Variants in SLC44A1 observed in about 807,000 individuals in gnomAD.
The protein encoded by SLC44A1 is choline transporter-like protein 1.
A neutral mutation model predicts 79.3 loss-of-function variants in SLC44A1; 26 were observed. The observed-to-expected ratio is 0.33, with a 90% CI of 0.24 to 0.46. The LOEUF (loss-of-function observed/expected upper bound fraction) is 0.46. SLC44A1 is among the 20% of genes least tolerant of loss of function. The pLI, the probability that SLC44A1 is intolerant of heterozygous loss-of-function variation, is 1.00. For missense variants in SLC44A1, 688 were observed against 798.1 expected, an observed-to-expected ratio of 0.86 and a Z score of 1.66; for synonymous variants, 263 against 286.2, an observed-to-expected ratio of 0.92 and a Z score of 0.82.
downstream of SLC44A1, among the ~76,000 whole-genome samples, chr9:105,397,846 A>G (rs918417391): frequency 3.9e-5 from 6 of 151,910 alleles, no homozygotes; most frequent in Admixed American, 1.3e-4. Flanking sequence ...TACTCGGGAG[A>G]CTGAGGCAGG....
chr9:105,321,542 A>G (rs1280529678), intron 3 of SLC44A1, among the ~76,000 whole-genome samples: 1 of 152,208 alleles, frequency 6.6e-6, no homozygotes, highest in Non-Finnish European at 1.5e-5. Flanking sequence ...TAAAAGAGAT[A>G]ACTAGAATAT....
chr9:105,300,102 G>A (rs1177242459), intron 2 of SLC44A1, among the ~76,000 whole-genome samples: 1 of 152,140 alleles, frequency 6.6e-6, no homozygotes, highest in East Asian at 1.9e-4. Context: ...AAAGGACATG[G>A]AAATCCTCAT....
intron 1 of SLC44A1, among the ~76,000 whole-genome samples, chr9:105,257,428 C>G (rs1307275662): frequency 6.6e-6 from 1 of 152,048 alleles, no homozygotes; most frequent in Non-Finnish European, 1.5e-5. Context: ...GTCTTGTCTC[C>G]CTATGTTGCC....
chr9:105,314,465 A>T (rs1382991545), intron 3 of SLC44A1, among the ~76,000 whole-genome samples: 1 of 152,206 alleles, frequency 6.6e-6, no homozygotes. Context: ...CTTAGTGTCT[A>T]CTTTCTTTGT....
chr9:105,263,867 T>C (rs989745601), intron 1 of SLC44A1, among the ~76,000 whole-genome samples: 1 of 152,062 alleles, frequency 6.6e-6, no homozygotes, highest in African/African-American at 2.4e-5. Flanking sequence ...AGTTAAGCAT[T>C]TCTAGGGCTT....
At chr9:105,294,420 T>G (rs1373039550) in intron 1 of SLC44A1, among the ~76,000 whole-genome samples, 3 of 152,162 alleles carry the variant, frequency 2.0e-5, no homozygotes, top group East Asian at 3.8e-4. Flanking sequence ...TGAGAGATCT[T>G]CTGTCAGCGT....
chr9:105,327,922 G>C (rs932006), intron 3 of SLC44A1, among the ~76,000 whole-genome samples: 19,654 of 152,168 alleles, frequency 0.13, 2,504 homozygotes, highest in African/African-American at 0.33. Context: ...GAGACACTTA[G>C]TTGTGTGGTC....
At chr9:105,386,272 C>T (rs2131472319) in intron 15 of SLC44A1, 1 of 965,566 alleles carries the variant, frequency 1.0e-6, no homozygotes, top group African/African-American at 1.8e-5. Flanking sequence ...AGCATAGAAA[C>T]AGATGCCTCT....
intron 15 of SLC44A1, among the ~76,000 whole-genome samples, chr9:105,387,970 T>C (rs1588860099): frequency 2.6e-5 from 4 of 152,336 alleles, no homozygotes; most frequent in Admixed American, 2.6e-4. Context: ...AACAATGCAT[T>C]AAAATCTTTA....
intron 10 of SLC44A1, 62 bp from the exon 11 acceptor site, chr9:105,365,421 C>A: frequency 4.5e-6 from 6 of 1,334,336 alleles, no homozygotes; most frequent in Non-Finnish European, 4.2e-6. Flanking sequence ...CTAAACCATA[C>A]CTGTGTTTCC....
chr9:105,283,114 A>G (rs1830397051), intron 1 of SLC44A1, among the ~76,000 whole-genome samples: 1 of 152,176 alleles, frequency 6.6e-6, no homozygotes, highest in African/African-American at 2.4e-5. Context: ...GGCCAGGTTA[A>G]ACTCAGCACT....
chr9:105,385,710 T>C, intron 15 of SLC44A1: 3 of 985,426 alleles, frequency 3.0e-6, no homozygotes, highest in Non-Finnish European at 3.6e-6. Flanking sequence ...AAAAGTAAGC[T>C]GAAAGGAACA....
intron 1 of SLC44A1, among the ~76,000 whole-genome samples, chr9:105,278,160 C>T (rs113415957): frequency 2.0e-5 from 3 of 152,118 alleles, no homozygotes; most frequent in African/African-American, 7.2e-5. Flanking sequence ...CTCCCAGGCT[C>T]AAGCGATTCT....
At chr9:105,308,986 T>G (rs1488643770) in intron 2 of SLC44A1, among the ~76,000 whole-genome samples, 1 of 152,230 alleles carries the variant, frequency 6.6e-6, no homozygotes, top group Non-Finnish European at 1.5e-5. Flanking sequence ...CCTTTAGTAC[T>G]GTGATGAAGC....
intron 4 of SLC44A1, among the ~76,000 whole-genome samples, chr9:105,338,623 A>G (rs1826995321): frequency 1.3e-5 from 2 of 152,156 alleles, no homozygotes; most frequent in African/African-American, 4.8e-5. Flanking sequence ...TGTGTTGTCT[A>G]GGCTGGTGTC....
At chr9:105,335,799 A>G in intron 4 of SLC44A1, 100 bp downstream of exon 4, 1 of 1,111,514 alleles carries the variant, frequency 9.0e-7, no homozygotes, top group Non-Finnish European at 1.3e-6. Flanking sequence ...GGAACCTTAG[A>G]TAATTGAAGT....
intron 13 of SLC44A1, among the ~76,000 whole-genome samples, chr9:105,379,592 T>TA (rs1169295385): frequency 5.9e-5 from 9 of 151,878 alleles, no homozygotes; most frequent in Non-Finnish European, 8.8e-5. Context: ...AATTTAAAAA[T>TA]AAAAAAAAGA....
intron 15 of SLC44A1, among the ~76,000 whole-genome samples, chr9:105,416,726 A>G (rs891730360): frequency 6.6e-6 from 1 of 152,250 alleles, no homozygotes; most frequent in African/African-American, 2.4e-5. Flanking sequence ...GAGTCAGGCC[A>G]CGTCTCACCC....
At position 105,280,522 on chromosome 9, in the gene SLC44A1, A is replaced by T. The variant is rs115417059; in HGVS notation, c.37-18698A>T. On this transcript the variant is annotated intron_variant, in intron 1 of 15. Transcript: ENST00000374720. Reference sequence around the variant, plus strand: ...ATAAATAAGAATTTATTATTTGTTAAATTAGCTGTTCTGAATTAACAGTAT... The same window carrying T: ...ATAAATAAGAATTTATTATTTGTTATATTAGCTGTTCTGAATTAACAGTAT... Among the ~76,000 whole-genome samples, 1,036 of 152,330 alleles carry T rather than the reference A, an allele frequency of 6.8e-3. 10 individuals carry two copies. The highest frequency in any genetic ancestry group is 0.023 in the African/African-American group (959 of 41,558).
Sources: gnomAD v4.1 joint callset for allele counts (sites outside exome capture counted in the v4.1 genomes callset) on GRCh38, gnomAD v4.1.1 for gene constraint, MANE v1.5 for transcripts, NCBI Gene and HGNC (gene_info 2026-07-23, HGNC 2026-07-21) for gene names.